BICDL1: variants seen among roughly 807,000 people sequenced by gnomAD.
The protein encoded by BICDL1 is BICD family-like cargo adapter 1.
A neutral mutation model predicts 76.8 loss-of-function variants in BICDL1; 20 were observed. The ratio of observed to expected loss-of-function variants is 0.26; its 90% confidence interval spans 0.18 to 0.38. The LOEUF (loss-of-function observed/expected upper bound fraction) is 0.38. Among genes scored for constraint, BICDL1 ranks in the 10% least tolerant of loss-of-function variants. The pLI is 1.00. For missense variants in BICDL1, 700 were observed against 798.6 expected (o/e 0.88, Z 1.49); for synonymous variants, 383 against 337.1 (o/e 1.14, Z -1.49).
chr12:120,072,385 CA>C, intron 5 of BICDL1, 125 bp from the exon 6 acceptor site: 6 of 827,636 alleles, frequency 7.2e-6, no homozygotes, highest in Non-Finnish European at 1.1e-5. Context: ...AAACACAGAA[CA>C]AAAAACCCTT....
At chr12:120,070,984 C>T (rs1023759403) in intron 4 of BICDL1, among the ~76,000 whole-genome samples, 5 of 152,006 alleles carry the variant, frequency 3.3e-5, no homozygotes, top group African/African-American at 1.2e-4. Context: ...CCCCCTTTGG[C>T]CTTCCAAAAT....
chr12:120,090,227 C>T, intron 9 of BICDL1, 156 bp downstream of exon 9: 1 of 826,266 alleles, frequency 1.2e-6, no homozygotes, highest in Non-Finnish European at 1.8e-6. Flanking sequence ...AGCTCATGTC[C>T]CCTAGTCCTT....
rs557305273 is a variant in BICDL1 at position 120,005,859 on chromosome 12, A to C, written c.645+7123A>C. Among the ~76,000 whole-genome samples the C allele has an allele frequency of 2.5e-4, 38 of 152,356 alleles. 1 individual carries two copies. The highest frequency in any genetic ancestry group is 7.9e-4 in the African/African-American group (33 of 41,582). On this transcript the variant is annotated intron_variant, in intron 2 of 9. Coordinates refer to ENST00000548673, the MANE Select transcript of BICDL1 (RefSeq NM_001367886.1). ...GTTGGTTATAGTGATTTAGTGTTAC[A>C]AATACTGCTGCAGTGAACATCCTTG...
At chr12:119,994,648 C>T (rs371511561) in intron 1 of BICDL1, among the ~76,000 whole-genome samples, 7 of 152,080 alleles carry the variant, frequency 4.6e-5, no homozygotes, top group African/African-American at 1.7e-4. Context: ...CACCACCATG[C>T]CCGGCTAATT....
intron 9 of BICDL1, among the ~76,000 whole-genome samples, chr12:120,090,587 TC>T (rs59506691): frequency 0.32 from 48,587 of 152,004 alleles, 10,210 homozygotes; most frequent in African/African-American, 0.59. Flanking sequence ...CCAGCATGGC[TC>T]CCCCACTGGA....
intron 2 of BICDL1, among the ~76,000 whole-genome samples, chr12:120,023,204 A>G (rs192435888): frequency 6.6e-6 from 1 of 152,334 alleles, no homozygotes; most frequent in Admixed American, 6.5e-5. Flanking sequence ...ATAGCTAATG[A>G]GCTAAAAATA....
intron 2 of BICDL1, among the ~76,000 whole-genome samples, chr12:120,057,818 C>CCTTT (rs1953008680): frequency 1.1e-4 from 9 of 78,324 alleles, no homozygotes; most frequent in Admixed American, 3.1e-4. Context: ...GCGATTCCTG[C>CCTTT]TTTTTTTTTT....
chr12:119,995,985 CAAAA>C (rs1256420336), intron 1 of BICDL1, among the ~76,000 whole-genome samples: 3 of 103,500 alleles, frequency 2.9e-5, no homozygotes, highest in South Asian at 6.2e-4. Context: ...GACTCCGTCT[CAAAA>C]AAAAAAAAAA....
chr12:120,082,338 C>G (rs1874057585), intron 8 of BICDL1, among the ~76,000 whole-genome samples: 1 of 151,668 alleles, frequency 6.6e-6, no homozygotes, highest in African/African-American at 2.4e-5. Context: ...CTGCAACCTC[C>G]CCATCATGGT....
chr12:120,043,595 G>A (rs1341563074), intron 2 of BICDL1, among the ~76,000 whole-genome samples: 3 of 152,222 alleles, frequency 2.0e-5, no homozygotes, highest in Admixed American at 1.3e-4. Flanking sequence ...GAGCCATGGA[G>A]ATGACCTATA....
rs1875141131 is a variant in BICDL1 at position 120,093,221 on chromosome 12, AG to A, written c.*62del. Reference sequence around the variant, plus strand: ...CTGGAGGCAGCTGGAAAGGCGGTGCAGGCAAGGCCTCCCCTGCAGCTTGCAC... The same window carrying A: ...CTGGAGGCAGCTGGAAAGGCGGTGCAGCAAGGCCTCCCCTGCAGCTTGCAC... On this transcript the variant is annotated 3_prime_UTR_variant, in exon 10 of 10. Coordinates refer to ENST00000548673, the MANE Select transcript of BICDL1 (RefSeq NM_001367886.1). The A allele has an allele frequency of 1.3e-6, 2 of 1,532,906 alleles. No homozygotes were observed. The highest frequency in any genetic ancestry group is 1.8e-6 in the Non-Finnish European group (2 of 1,132,300). The allele number at this position is 1,532,906 out of a possible 1,614,324, so 95.0% of individuals were successfully genotyped here. A position where few individuals can be genotyped will look rare whatever the true frequency, so the allele number is the denominator to read the frequency against.
chr12:120,058,252 AG>A (rs1216205583), intron 2 of BICDL1, among the ~76,000 whole-genome samples: 2 of 152,228 alleles, frequency 1.3e-5, no homozygotes, highest in Non-Finnish European at 2.9e-5. Context: ...ATTATAGCTT[AG>A]TGCTTAACAG....
chr12:120,080,522 A>C (rs371510201), intron 7 of BICDL1, among the ~76,000 whole-genome samples: 1 of 152,074 alleles, frequency 6.6e-6, no homozygotes, highest in Non-Finnish European at 1.5e-5. Context: ...GGGATTCCCT[A>C]CCCTAAAAAC....
chr12:120,021,935 AAAAAT>A (rs1275675517), intron 2 of BICDL1, among the ~76,000 whole-genome samples: 1 of 149,470 alleles, frequency 6.7e-6, no homozygotes, highest in African/African-American at 2.4e-5. Flanking sequence ...AAATAAATAA[AAAAAT>A]AAAATAATAA....
chr12:120,056,953 G>T, intron 2 of BICDL1: 1 of 418,774 alleles, frequency 2.4e-6, no homozygotes, highest in Non-Finnish European at 4.6e-6. Flanking sequence ...GAGCAGAGGG[G>T]AGGCTGGGCC....
intron 2 of BICDL1, among the ~76,000 whole-genome samples, chr12:120,036,185 T>C (rs2138785296): frequency 6.6e-6 from 1 of 152,358 alleles, no homozygotes; most frequent in South Asian, 2.1e-4. Context: ...CACACATTAC[T>C]ATGGGATATA....
intron 2 of BICDL1, among the ~76,000 whole-genome samples, chr12:120,018,022 A>G (rs1952101539): frequency 6.6e-6 from 1 of 152,044 alleles, no homozygotes. Flanking sequence ...ATCTTTTTGG[A>G]TAGGAACCTT....
intron 2 of BICDL1, among the ~76,000 whole-genome samples, chr12:120,024,846 T>A (rs1404479365): frequency 6.6e-6 from 1 of 151,782 alleles, no homozygotes; most frequent in African/African-American, 2.4e-5. Context: ...TTGTTGTTGT[T>A]GTTATATTTT....
chr12:120,007,437 A>G (rs947596722), intron 2 of BICDL1, among the ~76,000 whole-genome samples: 2 of 152,202 alleles, frequency 1.3e-5, no homozygotes, highest in Admixed American at 1.3e-4. Context: ...AGCTGAATTC[A>G]GACAAGAGTG....
Sources: gnomAD v4.1 joint callset for allele counts (sites outside exome capture counted in the v4.1 genomes callset) on GRCh38, gnomAD v4.1.1 for gene constraint, MANE v1.5 for transcripts, NCBI Gene and HGNC (gene_info 2026-07-23, HGNC 2026-07-21) for gene names.